The following SEM1 variants were observed in gnomAD, a reference collection of about 807,000 sequenced individuals.
The protein encoded by SEM1 is 26S proteasome complex subunit SEM1.
In SEM1, 3 loss-of-function variants were observed where a neutral mutation model predicts 12.7. The ratio of observed to expected loss-of-function variants is 0.24; its 90% confidence interval spans 0.11 to 0.61. SEM1 has a LOEUF of 0.61. Ranked by LOEUF, SEM1 falls within the 20% of genes least tolerant of loss-of-function variation. The probability of loss-of-function intolerance (pLI) is 0.88; values close to 1 mark genes in which losing one functional copy is unlikely to be tolerated. For synonymous variants in SEM1, 30 were observed against 27.8 expected, an observed-to-expected ratio of 1.08 and a Z score of -0.25; for missense variants, 59 against 81.3, an observed-to-expected ratio of 0.73 and a Z score of 1.06.
intron 2 of SEM1, among the ~76,000 whole-genome samples, chr7:96,585,000 A>G (rs1345631958): frequency 1.1e-4 from 16 of 151,296 alleles, no homozygotes; most frequent in East Asian, 1.9e-4. Context: ...GCTTTGTTCC[A>G]TTGCTGGTGA....
At chr7:96,517,882 A>C (rs1804144771) in intron 2 of SEM1, among the ~76,000 whole-genome samples, 2 of 152,094 alleles carry the variant, frequency 1.3e-5, no homozygotes, top group African/African-American at 4.8e-5. Flanking sequence ...TTCATTTGTG[A>C]TGCTTGCCTT....
At chr7:96,685,878 G>C (rs1789748035), downstream of SEM1, among the ~76,000 whole-genome samples, 1 of 151,400 alleles carries the variant, frequency 6.6e-6, no homozygotes, top group Admixed American at 6.6e-5. Flanking sequence ...CCATTTTATA[G>C]AACAGGAAAA....
At chr7:96,542,586 A>G (rs554722250) in intron 2 of SEM1, among the ~76,000 whole-genome samples, 2 of 150,808 alleles carry the variant, frequency 1.3e-5, no homozygotes, top group East Asian at 3.9e-4. Flanking sequence ...AAACATGCAA[A>G]TGGAAAATAA....
downstream of SEM1, among the ~76,000 whole-genome samples, chr7:96,670,276 TC>T (rs1297287054): frequency 1.3e-5 from 2 of 152,182 alleles, no homozygotes; most frequent in African/African-American, 4.8e-5. Context: ...TTGATTTGTC[TC>T]AAATACTGGA....
intron 2 of SEM1, among the ~76,000 whole-genome samples, chr7:96,507,291 G>A (rs982675698): frequency 6.6e-6 from 1 of 151,958 alleles, no homozygotes; most frequent in Non-Finnish European, 1.5e-5. Flanking sequence ...TGAGTTTTGC[G>A]GCAGTATTCA....
chr7:96,666,633 T>G (rs1789178719), intron 2 of SEM1, among the ~76,000 whole-genome samples: 1 of 142,352 alleles, frequency 7.0e-6, no homozygotes, highest in Non-Finnish European at 1.5e-5. Context: ...TGCTATTGAA[T>G]CCAATTTTTT....
chr7:96,688,911 C>T lies in SEM1; in HGVS notation c.*13G>A. On this transcript the variant is annotated 3_prime_UTR_variant, in exon 3 of 3. Transcript: ENST00000248566. ...AGGTCAAGTTTAGGTTACTTCAACA[C>T]TTCTTCTGGATGCTATGAAGTCTCC... The T allele has an allele frequency of 6.3e-7, 1 of 1,576,690 alleles. No individual in the cohort carries two copies. Among genetic ancestry groups the T allele is most frequent in the Non-Finnish European group, 8.7e-7 (1 of 1,148,298 alleles).
At chr7:96,629,501 C>T (rs1808180284) in intron 2 of SEM1, among the ~76,000 whole-genome samples, 1 of 151,988 alleles carries the variant, frequency 6.6e-6, no homozygotes, top group Non-Finnish European at 1.5e-5. Flanking sequence ...ATTTCAATCT[C>T]TACTAAATTT....
intron 2 of SEM1, among the ~76,000 whole-genome samples, chr7:96,690,640 T>A (rs1182114510): frequency 6.6e-6 from 1 of 152,152 alleles, no homozygotes; most frequent in Non-Finnish European, 1.5e-5. Flanking sequence ...ACAGCAGCAG[T>A]CTTTGTGCAA....
downstream of SEM1, among the ~76,000 whole-genome samples, chr7:96,686,300 C>G (rs1298939621): frequency 6.6e-6 from 1 of 152,070 alleles, no homozygotes; most frequent in African/African-American, 2.4e-5. Flanking sequence ...TTCGGGTACC[C>G]AATCCTTAAC....
chr7:96,705,348 AG>A (rs2116035334), intron 1 of SEM1, among the ~76,000 whole-genome samples: 1 of 119,152 alleles, frequency 8.4e-6, no homozygotes, highest in African/African-American at 3.2e-5. Context: ...ATTCTAAAAA[AG>A]CTTCTCTCTC....
At chr7:96,585,741 CT>C (rs1806606820) in intron 2 of SEM1, among the ~76,000 whole-genome samples, 1 of 72,584 alleles carries the variant, frequency 1.4e-5, no homozygotes, top group African/African-American at 5.1e-5. Flanking sequence ...CAGGTGCTGT[CT>C]GTCACCCCTT....
intron 2 of SEM1, among the ~76,000 whole-genome samples, chr7:96,547,564 A>G (rs1031896107): frequency 1.3e-5 from 2 of 152,200 alleles, no homozygotes; most frequent in Non-Finnish European, 2.9e-5. Flanking sequence ...GACTGGCAGC[A>G]GTTCCTAAGT....
chr7:96,563,703 C>A (rs1362970637), intron 2 of SEM1, among the ~76,000 whole-genome samples: 3 of 152,082 alleles, frequency 2.0e-5, no homozygotes, highest in Non-Finnish European at 4.4e-5. Flanking sequence ...TGTGTTAGAA[C>A]AGCACGTGTA....
At chr7:96,502,786 C>T (rs936116137) in intron 3 of SEM1, among the ~76,000 whole-genome samples, 1 of 152,154 alleles carries the variant, frequency 6.6e-6, no homozygotes, top group South Asian at 2.1e-4. Flanking sequence ...GTTTGAGTTC[C>T]TTCTACATGT....
chr7:96,605,297 C>T lies in SEM1; in HGVS notation c.170+89501G>A, dbSNP rs533774327. On this transcript the variant is annotated intron_variant and NMD_transcript_variant, in intron 2 of 3. Coordinates refer to the SEM1 transcript ENST00000466986. ...GTACAGAGGCCAAAACTAAATCCAA[C>T]GAACTATGGTGTCTTGAATTTTTTT... 4.6e-5 allele frequency among the ~76,000 whole-genome samples: 7 copies of T among 152,220 alleles called. 1 individual carries two copies. The South Asian group carries it at 1.4e-3, about 32-fold the overall frequency.
At chr7:96,656,890 T>C (rs936301463) in intron 2 of SEM1, among the ~76,000 whole-genome samples, 8 of 151,030 alleles carry the variant, frequency 5.3e-5, no homozygotes, top group Middle Eastern at 3.2e-3. Flanking sequence ...CACACACACA[T>C]ATGTATATAA....
chr7:96,539,666 G>A (rs1699171484), intron 2 of SEM1, among the ~76,000 whole-genome samples: 2 of 151,644 alleles, frequency 1.3e-5, no homozygotes, highest in Non-Finnish European at 3.0e-5. Flanking sequence ...GTGTTGAAAA[G>A]GATGCAATAT....
At chr7:96,613,580 AAT>A (rs1807611713) in intron 2 of SEM1, among the ~76,000 whole-genome samples, 1 of 152,292 alleles carries the variant, frequency 6.6e-6, no homozygotes, top group Admixed American at 6.5e-5. Flanking sequence ...GCTATTTTAA[AAT>A]ATACAATACA....
Sources: gnomAD v4.1 joint callset for allele counts (sites outside exome capture counted in the v4.1 genomes callset) on GRCh38, gnomAD v4.1.1 for gene constraint, MANE v1.5 for transcripts, NCBI Gene and HGNC (gene_info 2026-07-23, HGNC 2026-07-21) for gene names.